DIP2C: variants seen among roughly 807,000 people sequenced by gnomAD.
The protein encoded by DIP2C is DIP2 acetate--CoA ligase C (putative), also known as disco-interacting protein 2 homolog C.
A neutral mutation model predicts 192.4 loss-of-function variants in DIP2C; 33 were observed. The observed-to-expected ratio is 0.17, with a 90% CI of 0.13 to 0.23. DIP2C has a LOEUF of 0.23. Ranked by LOEUF, DIP2C falls within the 10% of genes least tolerant of loss-of-function variation. The pLI is 1.00. For synonymous variants in DIP2C, 979 were observed against 864.1 expected (o/e 1.13, Z -2.33); for missense variants, 1,537 against 2,110.1 (o/e 0.73, Z 5.32).
At chr10:614,528 C>G (rs934911531) in intron 1 of DIP2C, among the ~76,000 whole-genome samples, 1 of 152,198 alleles carries the variant, frequency 6.6e-6, no homozygotes, top group Non-Finnish European at 1.5e-5. Context: ...CCAAGGTGCC[C>G]TCACCACAGG....
Position 619,310 on chromosome 10 carries a change from G to A in DIP2C, c.85+70184C>T, listed in dbSNP as rs150502656. Among the ~76,000 whole-genome samples, 870 of 152,332 alleles carry A rather than the reference G, an allele frequency of 5.7e-3. 6 individuals carry two copies. Among genetic ancestry groups the A allele is most frequent in the South Asian group, 7.7e-3 (37 of 4,826 alleles). On this transcript the variant is annotated intron_variant, in intron 1 of 36. Coordinates refer to ENST00000280886, the MANE Select transcript of DIP2C (RefSeq NM_014974.3). The stretch of plus-strand genomic sequence containing the variant: ...TTATTTTCTCACATTTCTGGAAACT[G>A]GAATCCAAAACAGGTCCCACCAGCT...
intron 1 of DIP2C, among the ~76,000 whole-genome samples, chr10:564,231 G>A (rs1294887859): frequency 6.6e-6 from 1 of 151,748 alleles, no homozygotes; most frequent in Non-Finnish European, 1.5e-5. Context: ...CCCCGCACGT[G>A]GTTGAGGCAG....
rs1844494111 is a variant in DIP2C at position 492,151 on chromosome 10, C to T, written c.86-5621G>A. Among the ~76,000 whole-genome samples, 3 of 152,374 alleles carry T rather than the reference C, an allele frequency of 2.0e-5. 1 individual carries two copies. In the South Asian group the frequency reaches 6.2e-4, roughly 32 times the overall value. On this transcript the variant is annotated intron_variant, in intron 1 of 36. Transcript: ENST00000280886. ...GCCGCGGGCCCCCGTGTCGGAGACA[C>T]TCCAGCTCTGGGGCTGAGGCTCCTT...
At chr10:672,417 G>C (rs1830697633) in intron 1 of DIP2C, among the ~76,000 whole-genome samples, 1 of 152,338 alleles carries the variant, frequency 6.6e-6, no homozygotes, top group South Asian at 2.1e-4. Flanking sequence ...TCCCACTAGG[G>C]ACTCCCCGCC....
intron 1 of DIP2C, among the ~76,000 whole-genome samples, chr10:615,172 G>T (rs954261908): frequency 6.6e-6 from 1 of 152,266 alleles, no homozygotes; most frequent in Non-Finnish European, 1.5e-5. Context: ...GCTTCACTGT[G>T]AAAGTGCAGA....
At chr10:481,326 C>T (rs145074714) in intron 2 of DIP2C, among the ~76,000 whole-genome samples, 1 of 152,190 alleles carries the variant, frequency 6.6e-6, no homozygotes, top group East Asian at 1.9e-4. Flanking sequence ...TCACAAATGC[C>T]AACTGCAGGG....
At chr10:422,165 C>G (rs143269143) in intron 5 of DIP2C, among the ~76,000 whole-genome samples, 1 of 152,202 alleles carries the variant, frequency 6.6e-6, no homozygotes, top group African/African-American at 2.4e-5. Flanking sequence ...AATGGAGACA[C>G]ACACAAAACC....
In DIP2C at chr10:484,862, C is replaced by A. The variant is rs1039370913; in HGVS notation, c.157+1597G>T. 11 of 1,611,604 alleles carry A rather than the reference C, an allele frequency of 6.8e-6. No individual in the cohort carries two copies. The African/African-American group carries it at 1.2e-4, about 18-fold the overall frequency. Reference sequence around the variant, plus strand: ...GCCGCAGCTTCTCGGACGTCGCACACCCCGATGTGGGCAGAGCGGAATGTT... The same window carrying A: ...GCCGCAGCTTCTCGGACGTCGCACAACCCGATGTGGGCAGAGCGGAATGTT... On this transcript the variant is annotated intron_variant, in intron 2 of 36. Coordinates refer to ENST00000280886, the MANE Select transcript of DIP2C (RefSeq NM_014974.3).
intron 32 of DIP2C, among the ~76,000 whole-genome samples, chr10:290,359 T>C (rs1212752728): frequency 1.3e-5 from 2 of 152,184 alleles, no homozygotes; most frequent in South Asian, 4.1e-4. Context: ...TAAAGAACTT[T>C]TAGGAGCCTG....
intron 1 of DIP2C, among the ~76,000 whole-genome samples, chr10:617,883 C>A (rs1158456364): frequency 2.6e-5 from 4 of 151,998 alleles, no homozygotes; most frequent in African/African-American, 9.7e-5. Context: ...CTCATCTGTT[C>A]CTTATTGCAC....
chr10:519,412 CGCTGACCCACGCAGCACGTTTCCTGAGT>C (rs759000964), intron 1 of DIP2C, among the ~76,000 whole-genome samples: 82 of 152,236 alleles, frequency 5.4e-4, no homozygotes, highest in Non-Finnish European at 1.1e-3. Context: ...CTCATTCAAT[CGCTGACCCACGCAGCACGTTTCCTGAGT>C]GCTGACCCCG....
chr10:669,801 G>A (rs547573705), intron 1 of DIP2C, among the ~76,000 whole-genome samples: 2 of 152,314 alleles, frequency 1.3e-5, no homozygotes, highest in African/African-American at 4.8e-5. Context: ...CCACGTTTCA[G>A]CTTAAACTAG....
At chr10:661,144 T>C (rs1856736284) in intron 1 of DIP2C, among the ~76,000 whole-genome samples, 1 of 152,224 alleles carries the variant, frequency 6.6e-6, no homozygotes, top group African/African-American at 2.4e-5. Flanking sequence ...GCACAAGGCC[T>C]GCTCCAGGCT....
At chr10:432,593 A>AT (rs1177581935) in intron 4 of DIP2C, among the ~76,000 whole-genome samples, 2 of 152,056 alleles carry the variant, frequency 1.3e-5, no homozygotes, top group African/African-American at 4.8e-5. Flanking sequence ...AGGCTTATAG[A>AT]TTTTCTCTCA....
At position 680,599 on chromosome 10, in the gene DIP2C, C is replaced by T. The variant is rs561895794; in HGVS notation, c.85+8895G>A. 2.7e-4 allele frequency among the ~76,000 whole-genome samples: 41 copies of T among 152,156 alleles called. 1 individual carries two copies. The highest frequency in any genetic ancestry group is 2.1e-3 in the Admixed American group (32 of 15,282). Reference sequence around the variant, plus strand: ...TTCATTTCAGGTAAACTGGCCCACACGGTCTAGTTTACCTGCTGATAATTC... The same window carrying T: ...TTCATTTCAGGTAAACTGGCCCACATGGTCTAGTTTACCTGCTGATAATTC... On this transcript the variant is annotated intron_variant, in intron 1 of 36. Coordinates refer to ENST00000280886, the MANE Select transcript of DIP2C (RefSeq NM_014974.3).
chr10:528,245 T>TA (rs1847170652), intron 1 of DIP2C, among the ~76,000 whole-genome samples: 1 of 151,706 alleles, frequency 6.6e-6, no homozygotes, highest in African/African-American at 2.4e-5. Flanking sequence ...CACCAAGACA[T>TA]AAAAACAAAA....
chr10:341,025 T>C (rs1304166421), intron 29 of DIP2C, 174 bp downstream of exon 29: 2 of 913,454 alleles, frequency 2.2e-6, no homozygotes, highest in Admixed American at 3.8e-5. Flanking sequence ...CAGGTGCTGC[T>C]TTCCCCGAGA....
chr10:415,944 C>A, intron 6 of DIP2C, 56 bp from the exon 7 acceptor site: 1 of 1,598,328 alleles, frequency 6.3e-7, no homozygotes, highest in East Asian at 2.2e-5. Context: ...TCAATGAGCA[C>A]CCACAGTCCC....
chr10:558,874 TAGA>T lies in DIP2C; in HGVS notation c.86-72347_86-72345del, dbSNP rs557016423. Among the ~76,000 whole-genome samples, 31 of 151,978 alleles carry T rather than the reference TAGA, an allele frequency of 2.0e-4. No individual in the cohort carries two copies. The South Asian group carries it at 4.2e-3, about 20-fold the overall frequency. ...TGAAGAGCTGGGGCTAATGATGAAATAGAAGGAGACTTGGAGAACACAGCAGGA... is the reference window on the plus strand; with the variant it reads ...TGAAGAGCTGGGGCTAATGATGAAATAGGAGACTTGGAGAACACAGCAGGA... On this transcript the variant is annotated intron_variant, in intron 1 of 36. Coordinates refer to ENST00000280886, the MANE Select transcript of DIP2C (RefSeq NM_014974.3).
Sources: allele counts gnomAD v4.1 joint callset (sites outside exome capture counted in the v4.1 genomes callset), GRCh38; gene constraint gnomAD v4.1.1; transcripts MANE v1.5; gene names NCBI Gene and HGNC (gene_info 2026-07-23, HGNC 2026-07-21).